The following ZNF385B variants were observed in gnomAD, a reference collection of about 807,000 sequenced individuals.
The protein encoded by ZNF385B is zinc finger protein 385B.
Under a neutral mutation model 39.2 loss-of-function variants are expected in ZNF385B, and 23 were observed. That is an observed-to-expected ratio of 0.59 (90% confidence interval 0.42 to 0.83). The LOEUF (loss-of-function observed/expected upper bound fraction) is 0.83, where lower values mean the gene tolerates loss of function less well. ZNF385B is among the 40% of genes least tolerant of loss of function. The probability of loss-of-function intolerance (pLI) is 0.00; values close to 1 mark genes in which losing one functional copy is unlikely to be tolerated. For synonymous variants in ZNF385B, 205 were observed against 222.6 expected, an observed-to-expected ratio of 0.92 and a Z score of 0.70; for missense variants, 552 against 598.9, an observed-to-expected ratio of 0.92 and a Z score of 0.82.
intron 4 of ZNF385B, chr2:179,523,054 A>G (rs528270415): frequency 6.3e-4 from 161 of 255,022 alleles, no homozygotes; most frequent in South Asian, 1.9e-3. Context: ...AAAGGCAGCA[A>G]AAGTTAACAC....
At chr2:179,551,174 G>A (rs567816676) in intron 3 of ZNF385B, among the ~76,000 whole-genome samples, 8 of 151,900 alleles carry the variant, frequency 5.3e-5, no homozygotes, top group Admixed American at 1.3e-4. Flanking sequence ...ATAGGGTGCC[G>A]CCCTATTTGA....
intron 3 of ZNF385B, among the ~76,000 whole-genome samples, chr2:179,722,752 T>G (rs1215987789): frequency 2.6e-5 from 4 of 152,140 alleles, no homozygotes; most frequent in African/African-American, 9.7e-5. Context: ...TTAATTTTAC[T>G]AAGAGTCACC....
intron 6 of ZNF385B, among the ~76,000 whole-genome samples, chr2:179,459,282 C>T (rs1229901519): frequency 6.7e-6 from 1 of 150,212 alleles, no homozygotes; most frequent in Non-Finnish European, 1.5e-5. Flanking sequence ...TCATTTTCTG[C>T]CTCTGAGAGA....
chr2:179,810,110 C>A (rs571738385), intron 1 of ZNF385B, among the ~76,000 whole-genome samples: 3 of 151,960 alleles, frequency 2.0e-5, no homozygotes, highest in Non-Finnish European at 4.4e-5. Flanking sequence ...ACTTGGTCAA[C>A]TATTTTGAAT....
At chr2:179,670,731 A>C (rs1018469936) in intron 3 of ZNF385B, among the ~76,000 whole-genome samples, 10 of 152,260 alleles carry the variant, frequency 6.6e-5, no homozygotes, top group African/African-American at 2.2e-4. Context: ...AATTTGAACA[A>C]GAATGAGTGA....
intron 4 of ZNF385B, among the ~76,000 whole-genome samples, chr2:179,526,006 A>G (rs1228983137): frequency 6.6e-6 from 1 of 151,042 alleles, no homozygotes; most frequent in Admixed American, 6.6e-5. Flanking sequence ...AAATGATTGC[A>G]TATTGTTGGC....
chr2:179,596,201 G>C (rs1393747062), intron 3 of ZNF385B, among the ~76,000 whole-genome samples: 2 of 152,154 alleles, frequency 1.3e-5, no homozygotes, highest in Admixed American at 6.5e-5. Flanking sequence ...TCTCTGCTTA[G>C]GATGTCACAG....
At chr2:179,749,333 C>T (rs1702546913) in intron 3 of ZNF385B, among the ~76,000 whole-genome samples, 1 of 152,122 alleles carries the variant, frequency 6.6e-6, no homozygotes, top group Non-Finnish European at 1.5e-5. Context: ...TGAGTGCCAG[C>T]ACACTCTGCC....
chr2:179,711,737 G>A (rs1448357640), intron 3 of ZNF385B, among the ~76,000 whole-genome samples: 1 of 152,132 alleles, frequency 6.6e-6, no homozygotes, highest in Non-Finnish European at 1.5e-5. Flanking sequence ...AGGATGCTAA[G>A]TGAAAATGGT....
intron 3 of ZNF385B, among the ~76,000 whole-genome samples, chr2:179,752,022 G>C (rs898456830): frequency 6.6e-6 from 1 of 151,984 alleles, no homozygotes; most frequent in Non-Finnish European, 1.5e-5. Context: ...TGCCATGTTC[G>C]TGTGCTGCAC....
intron 1 of ZNF385B, among the ~76,000 whole-genome samples, chr2:179,844,824 A>G (rs932587899): frequency 2.0e-5 from 3 of 152,224 alleles, no homozygotes; most frequent in Non-Finnish European, 4.4e-5. Context: ...TGAAAATCCA[A>G]TAAGAAAGGG....
At chr2:179,671,086 G>A (rs1695929855) in intron 3 of ZNF385B, among the ~76,000 whole-genome samples, 1 of 152,190 alleles carries the variant, frequency 6.6e-6, no homozygotes, top group African/African-American at 2.4e-5. Flanking sequence ...CAAATGCTTG[G>A]TGAATATTAG....
At chr2:179,527,790 T>G (rs2059001756) in intron 4 of ZNF385B, among the ~76,000 whole-genome samples, 1 of 152,172 alleles carries the variant, frequency 6.6e-6, no homozygotes, top group African/African-American at 2.4e-5. Context: ...AATAAAAGTT[T>G]ATTAAGTACC....
chr2:179,564,592 C>A lies in ZNF385B; in HGVS notation c.299-19623G>T, dbSNP rs538469537. Among the ~76,000 whole-genome samples, 3 of 152,236 alleles carry A rather than the reference C, an allele frequency of 2.0e-5. No individual in the cohort carries two copies. The East Asian group carries it at 5.8e-4, about 29-fold the overall frequency. On this transcript the variant is annotated intron_variant, in intron 3 of 9. Coordinates refer to ENST00000410066, the MANE Select transcript of ZNF385B (RefSeq NM_152520.6). Reference sequence around the variant, plus strand: ...TTTTAACTTCTTTTAGAGTAGCCTACCCTTCCTTTATTTTTTACTATCCCC... The same window carrying A: ...TTTTAACTTCTTTTAGAGTAGCCTAACCTTCCTTTATTTTTTACTATCCCC...
At chr2:179,737,078 G>A (rs185907155) in intron 3 of ZNF385B, among the ~76,000 whole-genome samples, 1 of 152,242 alleles carries the variant, frequency 6.6e-6, no homozygotes, top group Non-Finnish European at 1.5e-5. Context: ...TTTATTTATA[G>A]TCTTTACTGT....
At chr2:179,823,819 T>C (rs943880153) in intron 1 of ZNF385B, among the ~76,000 whole-genome samples, 2 of 152,182 alleles carry the variant, frequency 1.3e-5, no homozygotes, top group African/African-American at 4.8e-5. Flanking sequence ...TTCTCAAAAA[T>C]GATGGTTTCC....
intron 5 of ZNF385B, among the ~76,000 whole-genome samples, chr2:179,517,517 A>G (rs945287800): frequency 6.7e-6 from 1 of 149,898 alleles, no homozygotes; most frequent in African/African-American, 2.4e-5. Flanking sequence ...CTCTTTTCCA[A>G]TGACTATGAT....
chr2:179,829,667 C>T (rs1252364913), intron 1 of ZNF385B, among the ~76,000 whole-genome samples: 1 of 152,140 alleles, frequency 6.6e-6, no homozygotes, highest in Non-Finnish European at 1.5e-5. Context: ...GCGCCCGCCA[C>T]CATGCCCGGC....
chr2:179,593,578 G>T (rs1194956804), intron 3 of ZNF385B, among the ~76,000 whole-genome samples: 3 of 152,092 alleles, frequency 2.0e-5, no homozygotes, highest in African/African-American at 4.8e-5. Flanking sequence ...ACTCCCAAAA[G>T]ATAACATAGT....
Sources: allele counts gnomAD v4.1 joint callset (sites outside exome capture counted in the v4.1 genomes callset), GRCh38; gene constraint gnomAD v4.1.1; transcripts MANE v1.5; gene names NCBI Gene and HGNC (gene_info 2026-07-23, HGNC 2026-07-21).